KIF20B: variants seen among roughly 807,000 people sequenced by gnomAD.
The protein encoded by KIF20B is kinesin family member 20B, also known as kinesin-like protein KIF20B.
Under a neutral mutation model 232.5 loss-of-function variants are expected in KIF20B, and 188 were observed. That is an observed-to-expected ratio of 0.81 (90% CI 0.72 to 0.91). The LOEUF (loss-of-function observed/expected upper bound fraction) is 0.91. KIF20B is among the 40% of genes least tolerant of loss of function. The probability of loss-of-function intolerance (pLI) is 0.00; values close to 1 mark genes in which losing one functional copy is unlikely to be tolerated. For synonymous variants in KIF20B, 712 were observed against 683.0 expected, an observed-to-expected ratio of 1.04 and a Z score of -0.66; for missense variants, 2,154 against 2,055.9, an observed-to-expected ratio of 1.05 and a Z score of -0.92.
intron 21 of KIF20B, among the ~76,000 whole-genome samples, chr10:89,743,093 G>T (rs963984634): frequency 2.6e-5 from 4 of 152,134 alleles, no homozygotes; most frequent in Non-Finnish European, 5.9e-5. Context: ...TGGCAGTAAA[G>T]CTCCACAAGG....
chr10:89,722,527 G>A (rs1219706571), intron 13 of KIF20B, among the ~76,000 whole-genome samples: 1 of 152,130 alleles, frequency 6.6e-6, no homozygotes, highest in Non-Finnish European at 1.5e-5. Context: ...AAATTAGCCA[G>A]GCGTGGTTTC....
Position 89,710,857 on chromosome 10 carries a change from T to G in KIF20B, c.491-104T>G, listed in dbSNP as rs1263620071. 4 of 775,136 alleles carry G rather than the reference T, an allele frequency of 5.2e-6. No homozygotes were observed. The Admixed American group carries it at 9.8e-5, about 19-fold the overall frequency. The allele number at this position is 775,136 out of a possible 1,614,324, so 48.0% of individuals were successfully genotyped here. A position where few individuals can be genotyped will look rare whatever the true frequency, so the allele number is the denominator to read the frequency against. ...TTAGCTATCATTTCCGTTTCAGTTG[T>G]TGACTCTTGCCTATTGGTAGTATAA... On this transcript the variant is annotated intron_variant, in intron 5 of 32. Coordinates refer to ENST00000371728, the MANE Select transcript of KIF20B (RefSeq NM_001284259.2).
At chr10:89,736,590 G>A (rs941218632) in intron 19 of KIF20B, among the ~76,000 whole-genome samples, 1 of 152,120 alleles carries the variant, frequency 6.6e-6, no homozygotes, top group African/African-American at 2.4e-5. Flanking sequence ...TTATTCTGTA[G>A]AGTAAGTTGG....
intron 2 of KIF20B, among the ~76,000 whole-genome samples, chr10:89,708,292 A>G (rs574054782): frequency 3.3e-5 from 5 of 151,948 alleles, no homozygotes; most frequent in African/African-American, 1.2e-4. Flanking sequence ...GCTCACCGCA[A>G]TCTCTGCCTC....
rs150021584 is a variant in KIF20B at position 89,772,817 on chromosome 10, A to G, written c.5371A>G (p.Ile1791Val). 292 of 1,607,696 alleles carry G rather than the reference A, an allele frequency of 1.8e-4. 1 individual carries two copies. In the African/African-American group the frequency reaches 3.6e-3, roughly 20 times the overall value. The change falls in exon 32 of 33, where the codon ATA (isoleucine) becomes GTA (valine). Residue 1791 changes from isoleucine to valine, a missense_variant. By Grantham distance (29) the Ile-to-Val change is conservative. Coordinates refer to ENST00000371728, the MANE Select transcript of KIF20B (RefSeq NM_001284259.2). Reference sequence around the variant, plus strand: ...AAGTGAAATTTCATCTCCTATTGATATATCAGGCCAAGTGGTAAGCTAGTA... The same window carrying G: ...AAGTGAAATTTCATCTCCTATTGATGTATCAGGCCAAGTGGTAAGCTAGTA... ...YTSEISSPID[I>V]SGQVILMDQK... is the part of the protein sequence containing the mutation.
At position 89,717,575 on chromosome 10, in the gene KIF20B, G is replaced by C; in HGVS notation, c.1125-1G>C. ...AAAGTACTTTTTTTTTCTTAATTCA[G>C]ATTATCTTTATGTGATCTTGCTGGT... On this transcript the variant is annotated splice_acceptor_variant, in intron 10 of 32. Coordinates refer to ENST00000371728, the MANE Select transcript of KIF20B (RefSeq NM_001284259.2). LOFTEE classifies it high-confidence loss of function. The C allele has an allele frequency of 1.9e-6, 3 of 1,603,558 alleles. No individual in the cohort carries two copies. Among genetic ancestry groups the C allele is most frequent in the Non-Finnish European group, 2.6e-6 (3 of 1,175,560 alleles).
At chr10:89,738,866 A>G in intron 20 of KIF20B, 92 bp from the exon 21 acceptor site, 1 of 1,387,468 alleles carries the variant, frequency 7.2e-7, no homozygotes. Context: ...TTGTGAAAAG[A>G]TATAATTTTG....
At chr10:89,753,210 C>T (rs1336843252) in intron 25 of KIF20B, among the ~76,000 whole-genome samples, 2 of 150,422 alleles carry the variant, frequency 1.3e-5, no homozygotes, top group Non-Finnish European at 3.0e-5. Flanking sequence ...CTTTTTTTTT[C>T]GTAGGATTTA....
In KIF20B at chr10:89,715,041, A is replaced by G. The variant is rs377632658; in HGVS notation, c.799A>G (p.Ile267Val). The part of the protein sequence containing the change: ...EQANLNMANS[I>V]KFSVWVSFFE... The stretch of plus-strand genomic sequence containing the variant: ...AGCCAACTTGAATATGGCTAATAGT[A>G]TAAAATTTTCTGTGTGGGTTTCTTT... Residue 267 changes from isoleucine to valine, a missense_variant, in exon 8 of 33, where the codon ATA becomes GTA. Ile to Val is a conservative substitution (Grantham distance 29). Coordinates refer to ENST00000371728, the MANE Select transcript of KIF20B (RefSeq NM_001284259.2). The G allele has an allele frequency of 5.8e-5, 93 of 1,606,410 alleles. No individual in the cohort carries two copies. The highest frequency in any genetic ancestry group is 1.6e-5 in the Non-Finnish European group (19 of 1,175,356).
At chr10:89,713,572 C>T (rs993168593) in intron 6 of KIF20B, among the ~76,000 whole-genome samples, 2 of 151,972 alleles carry the variant, frequency 1.3e-5, no homozygotes, top group Non-Finnish European at 2.9e-5. Flanking sequence ...TAGGTGTATA[C>T]TCCAAGGAAA....
intron 19 of KIF20B, among the ~76,000 whole-genome samples, chr10:89,734,550 T>C (rs988029228): frequency 1.9e-4 from 29 of 152,218 alleles, no homozygotes; most frequent in African/African-American, 6.5e-4. Context: ...TTTATTTTGC[T>C]CATAACTTCA....
chr10:89,714,898 C>A, intron 7 of KIF20B, 57 bp from the exon 8 acceptor site: 1 of 1,028,442 alleles, frequency 9.7e-7, no homozygotes, highest in Non-Finnish European at 1.5e-6. Flanking sequence ...ACTTTTGTCA[C>A]GTTTTTAGTC....
At chr10:89,747,810 G>A (rs955294348) in intron 23 of KIF20B, among the ~76,000 whole-genome samples, 11 of 151,932 alleles carry the variant, frequency 7.2e-5, no homozygotes, top group Admixed American at 1.3e-4. Context: ...TGGGTGCAGC[G>A]CACCAGCATG....
chr10:89,771,251 T>C (rs1842454655), intron 31 of KIF20B, among the ~76,000 whole-genome samples: 1 of 151,980 alleles, frequency 6.6e-6, no homozygotes, highest in Non-Finnish European at 1.5e-5. Context: ...CTTAGCACTT[T>C]TTAAACTGTA....
chr10:89,735,653 T>C (rs2133123833), intron 19 of KIF20B, among the ~76,000 whole-genome samples: 2 of 150,336 alleles, frequency 1.3e-5, no homozygotes, highest in Middle Eastern at 3.4e-3. Context: ...TTCTCCTGGC[T>C]CAGCCTCCCG....
Position 89,758,697 on chromosome 10 carries a change from C to T in KIF20B, c.4504-9C>T. 6.5e-7 allele frequency: 1 copy of T among 1,543,130 alleles called. No individual in the cohort carries two copies. The highest frequency in any genetic ancestry group is 8.7e-7 in the Non-Finnish European group (1 of 1,149,020). On this transcript the variant is annotated splice_polypyrimidine_tract_variant and intron_variant, in intron 26 of 32. Coordinates refer to ENST00000371728, the MANE Select transcript of KIF20B (RefSeq NM_001284259.2). ...GTTGATTTTAATATTTTCTTTATTTCCTGATTAGGAAATACTGACAGCCCA... is the reference window on the plus strand; with the variant it reads ...GTTGATTTTAATATTTTCTTTATTTTCTGATTAGGAAATACTGACAGCCCA...
intron 18 of KIF20B, among the ~76,000 whole-genome samples, chr10:89,730,801 G>GT (rs947909348): frequency 4.3e-4 from 65 of 152,278 alleles, no homozygotes; most frequent in African/African-American, 1.5e-3. Flanking sequence ...TGGGGAGTCA[G>GT]TGGGGGAGTC....
At chr10:89,711,652 T>C (rs1263533728) in intron 6 of KIF20B, among the ~76,000 whole-genome samples, 1 of 152,044 alleles carries the variant, frequency 6.6e-6, no homozygotes, top group Non-Finnish European at 1.5e-5. Context: ...TATATCTTCA[T>C]ACCTTTGTTT....
intron 1 of KIF20B, among the ~76,000 whole-genome samples, chr10:89,702,405 T>C (rs567426515): frequency 6.6e-6 from 1 of 152,346 alleles, no homozygotes; most frequent in African/African-American, 2.4e-5. Context: ...ACAGTTCTCT[T>C]ATATTTCTTG....
Sources: gnomAD v4.1 joint callset for allele counts (sites outside exome capture counted in the v4.1 genomes callset) on GRCh38, gnomAD v4.1.1 for gene constraint, MANE v1.5 for transcripts, NCBI Gene and HGNC (gene_info 2026-07-23, HGNC 2026-07-21) for gene names.